The following GPR149 variants were observed in gnomAD, a reference collection of about 807,000 sequenced individuals.
GPR149 encodes the protein probable G protein-coupled receptor 149.
Under a neutral mutation model 50.2 loss-of-function variants are expected in GPR149, and 50 were observed. The observed-to-expected ratio is 1.00, with a 90% CI of 0.79 to 1.26. GPR149 has a LOEUF of 1.26. Ranked by LOEUF, GPR149 falls within the 50% of genes most tolerant of loss-of-function variation. The pLI, the probability that GPR149 is intolerant of heterozygous loss-of-function variation, is 0.00. For missense variants in GPR149, 983 were observed against 895.4 expected, an observed-to-expected ratio of 1.10 and a Z score of -1.25; for synonymous variants, 405 against 358.2, an observed-to-expected ratio of 1.13 and a Z score of -1.48.
chr3:154,342,219 C>T (rs1275377383), intron 3 of GPR149, among the ~76,000 whole-genome samples: 1 of 151,932 alleles, frequency 6.6e-6, no homozygotes, highest in Non-Finnish European at 1.5e-5. Flanking sequence ...AAGTGAAAGA[C>T]TAAAGGCAGC....
chr3:154,425,818 C>G (rs1712276260), intron 2 of GPR149, among the ~76,000 whole-genome samples: 1 of 152,152 alleles, frequency 6.6e-6, no homozygotes, highest in Non-Finnish European at 1.5e-5. Flanking sequence ...ACTCTTCTGT[C>G]TGTGCAGTAC....
chr3:154,362,288 CAA>C (rs34401689), intron 3 of GPR149, among the ~76,000 whole-genome samples: 79 of 94,578 alleles, frequency 8.4e-4, no homozygotes, highest in African/African-American at 3.2e-3. Flanking sequence ...GACTCCGTCT[CAA>C]AAAAAAAAAA....
intron 3 of GPR149, chr3:154,354,059 T>C: frequency 2.2e-6 from 1 of 454,492 alleles, no homozygotes. Context: ...AGATCTTTTC[T>C]TCCTATGAGA....
chr3:154,421,453 G>A lies in GPR149; in HGVS notation c.1209C>T (p.Phe403=). The change falls in exon 3 of 4, where the codon TTC becomes TTT. Residue 403 remains phenylalanine, a synonymous_variant. Coordinates refer to ENST00000389740, the MANE Select transcript of GPR149 (RefSeq NM_001038705.3). The stretch of plus-strand genomic sequence containing the variant: ...TTTTATAAATCCCATAACTTTTTTG[G>A]AATGATAGATTGAATTCAAAGCCTT... ...KRKGFEFNLS[F]QKSYGIYKIA... is the part of the protein sequence containing the mutation. The A allele has an allele frequency of 6.3e-7, 1 of 1,592,858 alleles. No homozygotes were observed. Among genetic ancestry groups the A allele is most frequent in the Non-Finnish European group, 8.5e-7 (1 of 1,170,352 alleles).
chr3:154,413,253 A>G (rs780974114), intron 3 of GPR149, among the ~76,000 whole-genome samples: 2 of 152,132 alleles, frequency 1.3e-5, no homozygotes, highest in African/African-American at 2.4e-5. Flanking sequence ...CAAAGTCTTA[A>G]TGACCAAGAA....
At position 154,382,262 on chromosome 3, in the gene GPR149, G is replaced by A. The variant is rs1174643801; in HGVS notation, c.1623+38777C>T. Among the ~76,000 whole-genome samples the A allele has an allele frequency of 2.6e-5, 4 of 152,186 alleles. No homozygotes were observed. In the East Asian group the frequency reaches 7.7e-4, roughly 29 times the overall value. On this transcript the variant is annotated intron_variant, in intron 3 of 3. Transcript: ENST00000389740. Reference sequence around the variant, plus strand: ...CTTAGAGCTATGTGGCACCATTTGGGTAGGGCAAGGCATCTAGCAATGGTG... The same window carrying A: ...CTTAGAGCTATGTGGCACCATTTGGATAGGGCAAGGCATCTAGCAATGGTG...
At chr3:154,368,289 A>G (rs1385508254) in intron 3 of GPR149, among the ~76,000 whole-genome samples, 1 of 152,214 alleles carries the variant, frequency 6.6e-6, no homozygotes, top group East Asian at 1.9e-4. Flanking sequence ...CCCACTAGGC[A>G]GGATCAAGAT....
intron 3 of GPR149, among the ~76,000 whole-genome samples, chr3:154,358,396 C>T (rs1251390853): frequency 2.0e-5 from 3 of 151,966 alleles, no homozygotes; most frequent in African/African-American, 7.3e-5. Context: ...GGCAAAGTAG[C>T]CTCAATGAAA....
At chr3:154,390,800 G>A (rs989931394) in intron 3 of GPR149, among the ~76,000 whole-genome samples, 2 of 152,054 alleles carry the variant, frequency 1.3e-5, no homozygotes, top group African/African-American at 4.8e-5. Flanking sequence ...GACAAAGAGA[G>A]AATTTGAAAG....
chr3:154,412,347 A>G (rs1711859610), intron 3 of GPR149, among the ~76,000 whole-genome samples: 1 of 152,060 alleles, frequency 6.6e-6, no homozygotes, highest in African/African-American at 2.4e-5. Flanking sequence ...TAGGCAAGCA[A>G]TCAGACAAGA....
intron 3 of GPR149, among the ~76,000 whole-genome samples, chr3:154,347,023 A>G (rs1713946341): frequency 6.6e-6 from 1 of 152,194 alleles, no homozygotes; most frequent in Admixed American, 6.5e-5. Flanking sequence ...CTTCCTAAGC[A>G]CTGTCTATGC....
intron 2 of GPR149, among the ~76,000 whole-genome samples, chr3:154,422,256 A>G (rs1264645105): frequency 6.6e-6 from 1 of 151,694 alleles, no homozygotes; most frequent in Non-Finnish European, 1.5e-5. Context: ...TTATAGTACT[A>G]TTAGTTGGTG....
At chr3:154,419,024 A>G (rs1313693068) in intron 3 of GPR149, among the ~76,000 whole-genome samples, 1 of 152,032 alleles carries the variant, frequency 6.6e-6, no homozygotes, top group East Asian at 1.9e-4. Flanking sequence ...TTTAATTTTA[A>G]TTAGTCCCTG....
At chr3:154,354,176 A>G in intron 3 of GPR149, 2 of 495,628 alleles carry the variant, frequency 4.0e-6, no homozygotes, top group Non-Finnish European at 7.8e-6. Context: ...GTCATCTATA[A>G]CAACATTTTC....
intron 3 of GPR149, among the ~76,000 whole-genome samples, chr3:154,365,804 T>G (rs1335462260): frequency 3.3e-5 from 5 of 152,222 alleles, no homozygotes; most frequent in Non-Finnish European, 7.3e-5. Flanking sequence ...CCATCTAAGA[T>G]GTCTTCAAAA....
In GPR149 at chr3:154,335,982, AATGCTACTG is replaced by A. The variant is rs1231750281; in HGVS notation, c.*1708_*1716del. The A allele has an allele frequency of 6.6e-6, 1 of 152,130 alleles. No individual in the cohort carries two copies. The highest frequency in any genetic ancestry group is 1.5e-5 in the Non-Finnish European group (1 of 67,950). 9.4% of individuals were successfully genotyped at this position (152,130 alleles called of 1,614,324 possible). The stretch of plus-strand genomic sequence containing the variant: ...CAATTTTTCTTTTATAAAGACATTT[AATGCTACTG>A]ATTTATAATATCTGATTTATCTGTC... On this transcript the variant is annotated 3_prime_UTR_variant, in exon 4 of 4. Transcript: ENST00000389740.
At chr3:154,411,829 G>A (rs561708279) in intron 3 of GPR149, among the ~76,000 whole-genome samples, 1 of 152,072 alleles carries the variant, frequency 6.6e-6, no homozygotes, top group African/African-American at 2.4e-5. Context: ...GAAAGAGAGA[G>A]TTCTTCCTAA....
intron 3 of GPR149, among the ~76,000 whole-genome samples, chr3:154,396,918 A>G (rs1195453873): frequency 6.6e-6 from 1 of 151,106 alleles, no homozygotes; most frequent in African/African-American, 2.4e-5. Context: ...ATTTTTTGTC[A>G]TTGTTGTTGT....
intron 3 of GPR149, among the ~76,000 whole-genome samples, chr3:154,346,590 CTTTTCTTTTCT>C (rs1559969719): frequency 6.6e-6 from 1 of 151,196 alleles, no homozygotes; most frequent in Non-Finnish European, 1.5e-5. Context: ...TAAGGTTTTT[CTTTTCTTTTCT>C]TTTTCTTTTT....
Sources: allele counts gnomAD v4.1 joint callset (sites outside exome capture counted in the v4.1 genomes callset), GRCh38; gene constraint gnomAD v4.1.1; transcripts MANE v1.5; gene names NCBI Gene and HGNC (gene_info 2026-07-23, HGNC 2026-07-21).